DOCK10: variants seen among roughly 807,000 people sequenced by gnomAD.
DOCK10 encodes dedicator of cytokinesis 10, also known as dedicator of cytokinesis protein 10.
A neutral mutation model predicts 280.1 loss-of-function variants in DOCK10; 145 were observed. That is an observed-to-expected ratio of 0.52 (90% CI 0.45 to 0.59). The LOEUF (loss-of-function observed/expected upper bound fraction) is 0.59. DOCK10 is among the 20% of genes least tolerant of loss of function. The pLI, the probability that DOCK10 is intolerant of heterozygous loss-of-function variation, is 0.00. For missense variants in DOCK10, 2,368 were observed against 2,651.7 expected, an observed-to-expected ratio of 0.89 and a Z score of 2.35; for synonymous variants, 915 against 942.2, an observed-to-expected ratio of 0.97 and a Z score of 0.53.
intron 28 of DOCK10, among the ~76,000 whole-genome samples, chr2:224,823,188 A>C (rs1249098808): frequency 6.6e-6 from 1 of 151,932 alleles, no homozygotes; most frequent in Non-Finnish European, 1.5e-5. Flanking sequence ...GGGTTTCACC[A>C]TGTTGGCCAG....
At chr2:224,864,028 T>C (rs1294566808) in intron 13 of DOCK10, among the ~76,000 whole-genome samples, 1 of 152,232 alleles carries the variant, frequency 6.6e-6, no homozygotes, top group East Asian at 1.9e-4. Context: ...GAAAGCTTTA[T>C]CCACATTTGA....
intron 1 of DOCK10, among the ~76,000 whole-genome samples, chr2:225,021,666 T>C (rs992948733): frequency 1.3e-5 from 2 of 152,202 alleles, no homozygotes; most frequent in African/African-American, 4.8e-5. Flanking sequence ...TGTACTTTGA[T>C]ATCCTAATGC....
intron 1 of DOCK10, among the ~76,000 whole-genome samples, chr2:224,956,587 G>A (rs1704049276): frequency 7.1e-6 from 1 of 140,092 alleles, no homozygotes. Flanking sequence ...TTGCACCACT[G>A]CGCTCCAGCC....
At chr2:224,867,075 T>TAC (rs61496329) in intron 11 of DOCK10, among the ~76,000 whole-genome samples, 27,674 of 144,184 alleles carry the variant, frequency 0.19, 2,544 homozygotes, top group East Asian at 0.28. Context: ...AGCTAAGAAA[T>TAC]ACACACACAC....
chr2:224,835,445 A>G (rs747697515), intron 25 of DOCK10, among the ~76,000 whole-genome samples: 8 of 152,228 alleles, frequency 5.3e-5, no homozygotes, highest in Non-Finnish European at 1.0e-4. Flanking sequence ...GTATGTGTGC[A>G]TTTTGCATAT....
intron 39 of DOCK10, among the ~76,000 whole-genome samples, chr2:224,803,388 TCTTTCTAAAACC>T (rs1470055192): frequency 2.0e-5 from 3 of 152,128 alleles, no homozygotes; most frequent in Non-Finnish European, 4.4e-5. Context: ...CTCTTATATT[TCTTTCTAAAACC>T]CTTTCTAAAA....
intron 1 of DOCK10, among the ~76,000 whole-genome samples, chr2:224,989,050 G>A (rs1434591048): frequency 2.0e-5 from 3 of 152,204 alleles, no homozygotes; most frequent in Non-Finnish European, 4.4e-5. Context: ...TGTGAGTGTG[G>A]ACTTGGTTGC....
intron 1 of DOCK10, among the ~76,000 whole-genome samples, chr2:224,971,990 A>T (rs1014514199): frequency 6.6e-6 from 1 of 152,146 alleles, no homozygotes; most frequent in Non-Finnish European, 1.5e-5. Flanking sequence ...TTCTTTTTCA[A>T]ATATGGCCCC....
At chr2:224,967,861 G>A (rs1053621161) in intron 1 of DOCK10, among the ~76,000 whole-genome samples, 5 of 151,770 alleles carry the variant, frequency 3.3e-5, no homozygotes, top group Admixed American at 3.3e-4. Flanking sequence ...ATTTTATACT[G>A]GTATGCAGTA....
At position 225,022,637 on chromosome 2, in the gene DOCK10, A is replaced by G. The variant is rs538480909; in HGVS notation, c.123+19615T>C. 1.1e-4 allele frequency among the ~76,000 whole-genome samples: 17 copies of G among 152,346 alleles called. No individual in the cohort carries two copies. In the South Asian group the frequency reaches 3.5e-3, roughly 32 times the overall value. On this transcript the variant is annotated intron_variant, in intron 1 of 55. Transcript: ENST00000258390. ...ACCACCAGAATTTGTCCCTGGAAAA[A>G]TTCTGATACTGTGAAATTACTATCT...
intron 1 of DOCK10, among the ~76,000 whole-genome samples, chr2:224,988,920 C>G (rs1706051358): frequency 6.6e-6 from 1 of 152,166 alleles, no homozygotes; most frequent in Non-Finnish European, 1.5e-5. Flanking sequence ...CTCCCTTTAT[C>G]ATTACTTGCT....
intron 2 of DOCK10, among the ~76,000 whole-genome samples, chr2:224,922,810 T>C (rs1182189974): frequency 6.6e-6 from 1 of 152,182 alleles, no homozygotes; most frequent in Non-Finnish European, 1.5e-5. Context: ...TCTGACAGTA[T>C]TGTAGCTTCC....
chr2:224,908,435 G>C (rs944846144), intron 3 of DOCK10, among the ~76,000 whole-genome samples: 19 of 151,652 alleles, frequency 1.3e-4, no homozygotes, highest in Admixed American at 1.2e-3. Context: ...GTGTGTGTGT[G>C]TGTGTGTGTG....
chr2:224,831,780 T>C (rs541277348), intron 26 of DOCK10, among the ~76,000 whole-genome samples: 26 of 152,256 alleles, frequency 1.7e-4, no homozygotes, highest in Admixed American at 5.2e-4. Flanking sequence ...TAATGGGGTC[T>C]AGGGTTGCAC....
At chr2:224,876,773 T>C (rs1698656607) in intron 7 of DOCK10, among the ~76,000 whole-genome samples, 1 of 152,206 alleles carries the variant, frequency 6.6e-6, no homozygotes, top group South Asian at 2.1e-4. Context: ...ATTCTGAGTG[T>C]GGCTGCCTTT....
chr2:224,824,428 G>GTTTTT (rs1694709651), intron 27 of DOCK10, among the ~76,000 whole-genome samples: 1 of 85,030 alleles, frequency 1.2e-5, no homozygotes, highest in Non-Finnish European at 2.3e-5. Context: ...CTCAGACTCT[G>GTTTTT]CTTTTTTTTT....
At chr2:224,861,260 A>G (rs1400456053) in intron 14 of DOCK10, 1 of 152,234 alleles carries the variant, frequency 6.6e-6, no homozygotes, top group East Asian at 1.9e-4. Context: ...AGTACTATTC[A>G]TGATCTATTT....
intron 4 of DOCK10, among the ~76,000 whole-genome samples, chr2:224,895,380 G>C (rs1699921346): frequency 6.6e-6 from 1 of 152,146 alleles, no homozygotes; most frequent in African/African-American, 2.4e-5. Flanking sequence ...CTTAACTTTT[G>C]ATTGTTTCAA....
intron 1 of DOCK10, among the ~76,000 whole-genome samples, chr2:225,004,529 G>A (rs1706520017): frequency 6.6e-6 from 1 of 152,194 alleles, no homozygotes; most frequent in Admixed American, 6.5e-5. Context: ...TAGGAAACTA[G>A]TGCATCCTTA....
Sources: gnomAD v4.1 joint callset for allele counts (sites outside exome capture counted in the v4.1 genomes callset) on GRCh38, gnomAD v4.1.1 for gene constraint, MANE v1.5 for transcripts, NCBI Gene and HGNC (gene_info 2026-07-23, HGNC 2026-07-21) for gene names.